The following SLC13A3 variants were observed in gnomAD, a reference collection of about 807,000 sequenced individuals.
The protein encoded by SLC13A3 is solute carrier family 13 member 3.
A neutral mutation model predicts 59.0 loss-of-function variants in SLC13A3; 40 were observed. The observed-to-expected ratio is 0.68, with a 90% CI of 0.53 to 0.88. The LOEUF is 0.88. Among genes scored for constraint, SLC13A3 ranks in the 40% least tolerant of loss-of-function variants. SLC13A3 has a pLI of 0.00. For missense variants in SLC13A3, 699 were observed against 783.2 expected, an observed-to-expected ratio of 0.89 and a Z score of 1.28; for synonymous variants, 317 against 330.3, an observed-to-expected ratio of 0.96 and a Z score of 0.44.
intron 3 of SLC13A3, among the ~76,000 whole-genome samples, chr20:46,600,313 G>GAGGGAAGGAAGGAAGGAAAGGAAGGAA (rs1568929914): frequency 1.6e-5 from 2 of 123,882 alleles, no homozygotes; most frequent in African/African-American, 6.3e-5. Flanking sequence ...GAAAGAAAGA[G>GAGGGAAGGAAGGAAGGAAAGGAAGGAA]GGAAGGAAGG....
chr20:46,600,538 G>A (rs1330181295), intron 3 of SLC13A3: 2 of 403,796 alleles, frequency 5.0e-6, no homozygotes, highest in African/African-American at 2.0e-5. Context: ...TGTTGGCAGG[G>A]GTTTAGCTGC....
intron 1 of SLC13A3, among the ~76,000 whole-genome samples, chr20:46,641,717 T>A (rs556750163): frequency 6.6e-6 from 1 of 152,102 alleles, no homozygotes; most frequent in Non-Finnish European, 1.5e-5. Flanking sequence ...GCAGGGGAAG[T>A]TGTAAAATCA....
At chr20:46,561,956 G>A (rs766607187) in intron 12 of SLC13A3, among the ~76,000 whole-genome samples, 4 of 152,156 alleles carry the variant, frequency 2.6e-5, no homozygotes, top group Non-Finnish European at 4.4e-5. Flanking sequence ...ATCCCTGCCC[G>A]GGACTGGCTG....
intron 12 of SLC13A3, among the ~76,000 whole-genome samples, chr20:46,562,124 G>C (rs1421589748): frequency 6.6e-6 from 1 of 151,950 alleles, no homozygotes; most frequent in African/African-American, 2.4e-5. Flanking sequence ...TTCCACACTT[G>C]TCCCTCCCAC....
intron 9 of SLC13A3, among the ~76,000 whole-genome samples, chr20:46,579,598 G>A (rs983855606): frequency 1.8e-4 from 27 of 152,210 alleles, no homozygotes; most frequent in African/African-American, 6.3e-4. Flanking sequence ...AGTGCTCATG[G>A]AGTTCCCTCC....
intron 1 of SLC13A3, among the ~76,000 whole-genome samples, chr20:46,658,828 G>A (rs1407221452): frequency 6.6e-6 from 1 of 152,134 alleles, no homozygotes; most frequent in East Asian, 1.9e-4. Context: ...CATAGATTTT[G>A]AAGCTCTGTT....
At chr20:46,676,210 C>T (rs2063124645) in intron 1 of SLC13A3, 1 of 152,138 alleles carries the variant, frequency 6.6e-6, no homozygotes, top group South Asian at 2.1e-4. Context: ...CCTGGCCTCA[C>T]AGCTTTTTAT....
rs1469727435 is a variant in SLC13A3 at position 46,595,388 on chromosome 20, T to C, written c.794+769A>G. 5.3e-5 allele frequency among the ~76,000 whole-genome samples: 8 copies of C among 152,202 alleles called. No homozygotes were observed. The East Asian group carries it at 1.5e-3, about 29-fold the overall frequency. On this transcript the variant is annotated intron_variant, in intron 5 of 12. Transcript: ENST00000279027. ...TAAAAAGTTATAAAGCAGGAACATC[T>C]TTCTTTTATCCTCGTGCCCTGACCG...
Position 46,631,916 on chromosome 20 carries a change from G to T in SLC13A3, c.112-18191C>A, listed in dbSNP as rs567847004. Reference sequence around the variant, plus strand: ...TGCCCTCTTTGTGTAGGAAAGGAAAGAAAGAGAAGTGGTCTGTTCTCCAGG... The same window carrying T: ...TGCCCTCTTTGTGTAGGAAAGGAAATAAAGAGAAGTGGTCTGTTCTCCAGG... On this transcript the variant is annotated intron_variant, in intron 1 of 12. Transcript: ENST00000279027. Among the ~76,000 whole-genome samples the T allele has an allele frequency of 8.5e-5, 13 of 152,300 alleles. No homozygotes were observed. In the East Asian group the frequency reaches 2.5e-3, roughly 29 times the overall value.
At chr20:46,680,303 T>C (rs2063147955) in intron 1 of SLC13A3, among the ~76,000 whole-genome samples, 1 of 152,208 alleles carries the variant, frequency 6.6e-6, no homozygotes, top group Admixed American at 6.5e-5. Context: ...TATAATCACC[T>C]GTTTGCTGTT....
At chr20:46,617,588 T>TTGTG (rs555026536) in intron 1 of SLC13A3, among the ~76,000 whole-genome samples, 65 of 106,310 alleles carry the variant, frequency 6.1e-4, no homozygotes, top group African/African-American at 1.9e-3. Flanking sequence ...TCTGAAAAAC[T>TTGTG]TGTGTGTGTG....
chr20:46,658,746 T>C (rs1262524768), intron 1 of SLC13A3, among the ~76,000 whole-genome samples: 1 of 152,230 alleles, frequency 6.6e-6, no homozygotes, highest in Non-Finnish European at 1.5e-5. Flanking sequence ...TTCTTCAAAT[T>C]TAGATTCTTA....
intron 1 of SLC13A3, 74 bp from the exon 2 acceptor site, chr20:46,613,799 G>A (rs2062527661): frequency 7.3e-7 from 1 of 1,371,812 alleles, no homozygotes; most frequent in South Asian, 1.5e-5. Context: ...AGGGCTCAGG[G>A]CAGAGGGGGA....
chr20:46,574,267 C>T (rs530239109), intron 10 of SLC13A3, among the ~76,000 whole-genome samples: 2 of 152,284 alleles, frequency 1.3e-5, no homozygotes, highest in South Asian at 4.1e-4. Flanking sequence ...AGAGTTTGAA[C>T]CCCAGCTCCC....
chr20:46,622,810 T>A (rs1394472052), intron 1 of SLC13A3, among the ~76,000 whole-genome samples: 4 of 152,144 alleles, frequency 2.6e-5, no homozygotes, highest in Non-Finnish European at 4.4e-5. Flanking sequence ...ATCAAAGGGA[T>A]ACAAAGGGAT....
At chr20:46,564,962 A>G (rs974958284) in intron 11 of SLC13A3, among the ~76,000 whole-genome samples, 2 of 152,250 alleles carry the variant, frequency 1.3e-5, no homozygotes, top group African/African-American at 4.8e-5. Flanking sequence ...AAGCAGACAG[A>G]AACCAAAGAC....
intron 1 of SLC13A3, among the ~76,000 whole-genome samples, chr20:46,676,559 T>TTTTTC (rs942283036): frequency 1.3e-5 from 2 of 151,862 alleles, no homozygotes; most frequent in Non-Finnish European, 2.9e-5. Context: ...CCGGCCCCTT[T>TTTTTC]TTTTCTTTTC....
intron 1 of SLC13A3, among the ~76,000 whole-genome samples, chr20:46,627,139 G>A (rs769246491): frequency 2.0e-5 from 3 of 152,158 alleles, no homozygotes; most frequent in Non-Finnish European, 2.9e-5. Context: ...TTCTGTCTTT[G>A]TTCGCCTCTA....
At chr20:46,619,310 A>G (rs1479572222) in intron 1 of SLC13A3, among the ~76,000 whole-genome samples, 1 of 152,196 alleles carries the variant, frequency 6.6e-6, no homozygotes, top group Non-Finnish European at 1.5e-5. Context: ...AACCCAGTTG[A>G]GAGAGGTCCC....
Sources: allele counts gnomAD v4.1 joint callset (sites outside exome capture counted in the v4.1 genomes callset), GRCh38; gene constraint gnomAD v4.1.1; transcripts MANE v1.5; gene names NCBI Gene and HGNC (gene_info 2026-07-23, HGNC 2026-07-21).